The following GEMIN8 variants were observed in gnomAD, a reference collection of about 807,000 sequenced individuals.
GEMIN8 encodes gem nuclear organelle associated protein 8, also known as gem-associated protein 8.
For missense variants in GEMIN8, 185 were observed against 205.9 expected (o/e 0.90, Z 0.62); for synonymous variants, 80 against 78.5 (o/e 1.02, Z -0.10).
chrX:14,020,268 T>C lies in GEMIN8; in HGVS notation c.282A>G (p.Arg94=). Residue 94 remains arginine (R), a synonymous_variant, in exon 4 of 5, where the codon AGA becomes AGG. Coordinates refer to ENST00000680255, the MANE Select transcript of GEMIN8 (RefSeq NM_001042479.2). ...QDYPCSSSHF[R]RSGQHPRYSS... is the part of the protein sequence containing the mutation. ...TGTAACGTGGATGCTGCCCAGATCTTCTGAAATGTGAAGAACTGCAGGGGT... is the reference window on the plus strand; with the variant it reads ...TGTAACGTGGATGCTGCCCAGATCTCCTGAAATGTGAAGAACTGCAGGGGT... The C allele has an allele frequency of 8.3e-7, 1 of 1,211,544 alleles. No homozygotes were observed. Among genetic ancestry groups the C allele is most frequent in the South Asian group, 1.8e-5 (1 of 56,984 alleles).
chrX:14,008,118 TAC>T lies in GEMIN8; in HGVS notation c.*793_*794del, dbSNP rs942843481. Among the ~76,000 whole-genome samples the T allele has an allele frequency of 4.5e-5, 5 of 110,877 alleles. No homozygotes were observed. The highest frequency in any genetic ancestry group is 1.6e-4 in the African/African-American group (5 of 30,437). ...CCTCAGTCTCCCACGTAGCTGGGAT[TAC>T]AGGCACACACCACCATGCCCGGCTC... On this transcript the variant is annotated 3_prime_UTR_variant, in exon 5 of 5. Transcript: ENST00000680255.
At chrX:13,987,539 T>C in the GEMIN8 span, among the ~76,000 whole-genome samples, 1 of 111,562 alleles carries the variant, frequency 9.0e-6, no homozygotes, top group Non-Finnish European at 1.9e-5. Context: ...CAAGGGCCTA[T>C]CTGGCCAGGC....
chrX:14,018,601 T>C (rs1352989744), intron 4 of GEMIN8, among the ~76,000 whole-genome samples: 1 of 112,135 alleles, frequency 8.9e-6, no homozygotes, highest in Non-Finnish European at 1.9e-5. Flanking sequence ...TTGTTGTATA[T>C]ATTAGACTAA....
chrX:13,995,733 G>A, the GEMIN8 span, among the ~76,000 whole-genome samples: 59 of 111,331 alleles, frequency 5.3e-4, no homozygotes, highest in South Asian at 3.8e-3. Flanking sequence ...CTTTGACTCT[G>A]ACCCACCTCC....
chrX:14,027,113 G>C (rs1384135339), intron 1 of GEMIN8: 1 of 113,003 alleles, frequency 8.8e-6, no homozygotes, highest in African/African-American at 3.2e-5. Context: ...GAATCTCTCT[G>C]TACATGCAAT....
intron 4 of GEMIN8, among the ~76,000 whole-genome samples, chrX:14,015,595 G>A (rs1304216260): frequency 8.9e-6 from 1 of 112,174 alleles, no homozygotes; most frequent in Non-Finnish European, 1.9e-5. Flanking sequence ...TTTATCCTAA[G>A]AAAATATTAA....
At chrX:13,988,532 G>A in the GEMIN8 span, among the ~76,000 whole-genome samples, 2 of 107,668 alleles carry the variant, frequency 1.9e-5, no homozygotes, top group African/African-American at 3.4e-5. Flanking sequence ...TGTACCACCA[G>A]GTAGACTGCA....
At chrX:14,005,845 T>A (rs1201078077), downstream of GEMIN8, among the ~76,000 whole-genome samples, 3 of 111,252 alleles carry the variant, frequency 2.7e-5, no homozygotes. Flanking sequence ...AAAAGCCCCC[T>A]GACATCTGGT....
chrX:14,016,874 T>A (rs867982185), intron 4 of GEMIN8, among the ~76,000 whole-genome samples: 906 of 84,532 alleles, frequency 0.011, 16 homozygotes, highest in African/African-American at 0.022. Context: ...AAAATATATA[T>A]ATATATATAT....
the GEMIN8 span, among the ~76,000 whole-genome samples, chrX:13,995,147 A>C: frequency 1.1e-4 from 12 of 111,729 alleles, no homozygotes; most frequent in African/African-American, 3.9e-4. Context: ...AGCTCACTCA[A>C]TGGCGACATT....
intron 2 of GEMIN8, among the ~76,000 whole-genome samples, chrX:14,025,648 T>C (rs1924650104): frequency 8.9e-6 from 1 of 111,850 alleles, no homozygotes. Context: ...GTTGCTAATA[T>C]GTGGGACAAA....
chrX:13,998,645 G>C, the GEMIN8 span, among the ~76,000 whole-genome samples: 1 of 111,113 alleles, frequency 9.0e-6, no homozygotes, highest in Non-Finnish European at 1.9e-5. Flanking sequence ...TAATACAGGG[G>C]ACCTCACTAT....
At chrX:14,024,573 A>G (rs1445485191) in intron 2 of GEMIN8, among the ~76,000 whole-genome samples, 1 of 111,255 alleles carries the variant, frequency 9.0e-6, no homozygotes, top group Non-Finnish European at 1.9e-5. Context: ...CTTTGATCCA[A>G]CAAATCATCT....
the GEMIN8 span, among the ~76,000 whole-genome samples, chrX:13,994,716 T>A: frequency 1.8e-5 from 2 of 112,037 alleles, no homozygotes; most frequent in African/African-American, 6.5e-5. Context: ...TGAGGCCTCA[T>A]TCCATGAAAA....
At chrX:14,024,810 T>A (rs999915309) in intron 2 of GEMIN8, among the ~76,000 whole-genome samples, 1 of 112,047 alleles carries the variant, frequency 8.9e-6, no homozygotes, top group Admixed American at 9.4e-5. Flanking sequence ...CAGGACATTA[T>A]GAAAGGATGA....
rs1257036822 is a variant in GEMIN8, at chrX:14,016,890, T to C, written c.472+3188A>G. Among the ~76,000 whole-genome samples the C allele has an allele frequency of 3.4e-5, 3 of 88,696 alleles. No homozygotes were observed. In the Admixed American group the frequency reaches 4.0e-4, roughly 12 times the overall value. The allele number at this position is 88,696 out of a possible 115,157, so 77.0% of individuals were successfully genotyped here. A position where few individuals can be genotyped will look rare whatever the true frequency, so the allele number is the denominator to read the frequency against. On this transcript the variant is annotated intron_variant, in intron 4 of 4. Transcript: ENST00000680255. ...AAATATATATATATATATATATATA[T>C]ATGTACAGAATCTCAATCAAGCACT... is the stretch of plus-strand genomic sequence containing the variant.
chrX:13,985,278 A>T, the GEMIN8 span, among the ~76,000 whole-genome samples: 1 of 111,990 alleles, frequency 8.9e-6, no homozygotes, highest in African/African-American at 3.2e-5. Context: ...TGCCCCCAGA[A>T]ACAGGGGAGC....
At chrX:14,029,677 C>G (rs944155111) in intron 1 of GEMIN8, 100 bp downstream of exon 1, 3 of 112,803 alleles carry the variant, frequency 2.7e-5, no homozygotes, top group African/African-American at 9.7e-5. Context: ...AACGTGACGT[C>G]CAAGACCTCG....
rs1202087757 is a variant in GEMIN8, at chrX:14,010,409, G to A, written c.473-1240C>T. 7.2e-5 allele frequency among the ~76,000 whole-genome samples: 8 copies of A among 111,469 alleles called. No individual in the cohort carries two copies. In the East Asian group the frequency reaches 8.4e-4, roughly 12 times the overall value. ...TTGACAGCAGGGAACACATATCCACGGCTACTATGGCTATCAAGAGAAACA... is the reference window on the plus strand; with the variant it reads ...TTGACAGCAGGGAACACATATCCACAGCTACTATGGCTATCAAGAGAAACA... On this transcript the variant is annotated intron_variant, in intron 4 of 4. Coordinates refer to ENST00000680255, the MANE Select transcript of GEMIN8 (RefSeq NM_001042479.2).
Sources: allele counts gnomAD v4.1 joint callset (sites outside exome capture counted in the v4.1 genomes callset), GRCh38; gene constraint gnomAD v4.1.1; transcripts MANE v1.5; gene names NCBI Gene and HGNC (gene_info 2026-07-23, HGNC 2026-07-21).